Variants in EPHA3 observed in about 807,000 individuals in gnomAD.
EPHA3 encodes ephrin type-A receptor 3.
In EPHA3, 42 loss-of-function variants were observed where a neutral mutation model predicts 107.1. The ratio of observed to expected loss-of-function variants is 0.39; its 90% CI spans 0.31 to 0.51. EPHA3 has a LOEUF of 0.51. EPHA3 is among the 20% of genes least tolerant of loss of function. The pLI, the probability that EPHA3 is intolerant of heterozygous loss-of-function variation, is 0.78. For missense variants in EPHA3, 1,183 were observed against 1,211.2 expected (o/e 0.98, Z 0.35); for synonymous variants, 461 against 424.8 (o/e 1.09, Z -1.05).
intron 2 of EPHA3, among the ~76,000 whole-genome samples, chr3:89,177,023 T>G (rs1705334174): frequency 6.6e-6 from 1 of 152,062 alleles, no homozygotes; most frequent in Non-Finnish European, 1.5e-5. Flanking sequence ...TTGACTAATT[T>G]GCAAAACCAA....
At chr3:89,154,275 T>G (rs1330459748) in intron 2 of EPHA3, among the ~76,000 whole-genome samples, 56 of 150,036 alleles carry the variant, frequency 3.7e-4, no homozygotes, top group African/African-American at 6.3e-4. Flanking sequence ...TGTTTGTTTT[T>G]TTTTTTTTTT....
intron 15 of EPHA3, among the ~76,000 whole-genome samples, chr3:89,471,346 A>G (rs375024623): frequency 6.6e-6 from 1 of 152,126 alleles, no homozygotes; most frequent in South Asian, 2.1e-4. Context: ...ATATAAAAAA[A>G]TCCTAGAAGG....
intron 11 of EPHA3, among the ~76,000 whole-genome samples, chr3:89,425,417 T>C (rs74879639): frequency 2.1e-5 from 3 of 140,922 alleles, no homozygotes; most frequent in Non-Finnish European, 3.1e-5. Flanking sequence ...TTTTTTTTTT[T>C]CCTTCCATCC....
At chr3:89,309,245 C>G (rs189019670) in intron 3 of EPHA3, among the ~76,000 whole-genome samples, 1 of 152,084 alleles carries the variant, frequency 6.6e-6, no homozygotes, top group Non-Finnish European at 1.5e-5. Context: ...GAATAGGATA[C>G]TCTTTCCACA....
chr3:89,268,972 GTCATAGGA>G (rs1705599627), intron 3 of EPHA3, among the ~76,000 whole-genome samples: 1 of 151,686 alleles, frequency 6.6e-6, no homozygotes, highest in African/African-American at 2.4e-5. Context: ...CTTATACAAG[GTCATAGGA>G]TAAACCCATG....
At chr3:89,249,850 T>G (rs186839253) in intron 3 of EPHA3, among the ~76,000 whole-genome samples, 8 of 152,324 alleles carry the variant, frequency 5.3e-5, no homozygotes, top group African/African-American at 1.9e-4. Flanking sequence ...AATAATTGTT[T>G]CCTGGCCAAC....
At chr3:89,122,597 G>T (rs1245207352) in intron 1 of EPHA3, among the ~76,000 whole-genome samples, 1 of 152,096 alleles carries the variant, frequency 6.6e-6, no homozygotes, top group Non-Finnish European at 1.5e-5. Context: ...GCATGTTTGT[G>T]GCACTTAAAA....
At chr3:89,288,780 C>G (rs1252464808) in intron 3 of EPHA3, among the ~76,000 whole-genome samples, 1 of 152,024 alleles carries the variant, frequency 6.6e-6, no homozygotes, top group Non-Finnish European at 1.5e-5. Context: ...GAAAAGGAGG[C>G]ATTGTGGTTG....
At chr3:89,189,171 C>T (rs1359852988) in intron 2 of EPHA3, among the ~76,000 whole-genome samples, 1 of 152,172 alleles carries the variant, frequency 6.6e-6, no homozygotes, top group African/African-American at 2.4e-5. Flanking sequence ...GAAGGATTGT[C>T]CTTACCTTAT....
intron 2 of EPHA3, among the ~76,000 whole-genome samples, chr3:89,174,712 AACC>A (rs1180812446): frequency 2.0e-5 from 3 of 152,098 alleles, no homozygotes; most frequent in South Asian, 4.1e-4. Context: ...TTTTAAAATT[AACC>A]ACCAAGTTAA....
intron 3 of EPHA3, among the ~76,000 whole-genome samples, chr3:89,247,120 G>C (rs540026843): frequency 6.6e-6 from 1 of 152,200 alleles, no homozygotes; most frequent in East Asian, 1.9e-4. Flanking sequence ...GTAAATCCCA[G>C]TCATCATTAC....
At chr3:89,230,800 T>TCTCC (rs1320731772) in intron 3 of EPHA3, among the ~76,000 whole-genome samples, 1 of 141,782 alleles carries the variant, frequency 7.1e-6, no homozygotes, top group African/African-American at 2.9e-5. Flanking sequence ...TCTCTCTCTC[T>TCTCC]CTCTCCCTCT....
chr3:89,292,000 G>T (rs1706218013), intron 3 of EPHA3, among the ~76,000 whole-genome samples: 1 of 152,134 alleles, frequency 6.6e-6, no homozygotes, highest in African/African-American at 2.4e-5. Context: ...ACATGCTCCA[G>T]TGCCCAATGA....
chr3:89,314,384 T>G (rs538919690), intron 3 of EPHA3, among the ~76,000 whole-genome samples: 5 of 152,034 alleles, frequency 3.3e-5, no homozygotes, highest in African/African-American at 1.2e-4. Flanking sequence ...TGGGGGCAAA[T>G]AAGATTTTTT....
chr3:89,313,365 C>T (rs927269141), intron 3 of EPHA3, among the ~76,000 whole-genome samples: 9 of 151,862 alleles, frequency 5.9e-5, no homozygotes, highest in Non-Finnish European at 1.0e-4. Flanking sequence ...TTTAGGTTTG[C>T]CATTTGCTAT....
At chr3:89,115,610 T>C (rs879211282) in intron 1 of EPHA3, among the ~76,000 whole-genome samples, 1 of 152,204 alleles carries the variant, frequency 6.6e-6, no homozygotes, top group Non-Finnish European at 1.5e-5. Context: ...CAGTGCCGTG[T>C]TCAACACTGA....
At chr3:89,426,116 T>G (rs572743645) in intron 11 of EPHA3, among the ~76,000 whole-genome samples, 79 of 151,850 alleles carry the variant, frequency 5.2e-4, no homozygotes, top group Non-Finnish European at 8.7e-4. Context: ...AGATGTGTTT[T>G]GGGGTTTCTG....
intron 2 of EPHA3, among the ~76,000 whole-genome samples, chr3:89,128,072 G>A (rs1227537230): frequency 2.0e-5 from 3 of 152,018 alleles, no homozygotes; most frequent in Non-Finnish European, 4.4e-5. Flanking sequence ...GTACTATTTT[G>A]AAATATTTGT....
intron 2 of EPHA3, among the ~76,000 whole-genome samples, chr3:89,186,705 T>C (rs1705576327): frequency 6.6e-6 from 1 of 152,134 alleles, no homozygotes; most frequent in Non-Finnish European, 1.5e-5. Flanking sequence ...TTACAGTTTT[T>C]TTCGGGCTAC....
Sources: gnomAD v4.1 joint callset for allele counts (sites outside exome capture counted in the v4.1 genomes callset) on GRCh38, gnomAD v4.1.1 for gene constraint, MANE v1.5 for transcripts, NCBI Gene and HGNC (gene_info 2026-07-23, HGNC 2026-07-21) for gene names.